TCEA2: variants seen among roughly 807,000 people sequenced by gnomAD.
The protein encoded by TCEA2 is transcription elongation factor A2.
A neutral mutation model predicts 40.8 loss-of-function variants in TCEA2; 21 were observed. That is an observed-to-expected ratio of 0.51 (90% CI 0.36 to 0.74). TCEA2 has a LOEUF of 0.74. Ranked by LOEUF, TCEA2 falls within the 30% of genes least tolerant of loss-of-function variation. The pLI, the probability that TCEA2 is intolerant of heterozygous loss-of-function variation, is 0.00. For missense variants in TCEA2, 326 were observed against 426.5 expected (o/e 0.76, Z 2.08); for synonymous variants, 165 against 162.7 (o/e 1.01, Z -0.11).
At chr20:64,070,917 C>T (rs574324814) in intron 8 of TCEA2, among the ~76,000 whole-genome samples, 90 of 152,304 alleles carry the variant, frequency 5.9e-4, no homozygotes, top group Admixed American at 2.0e-3. Context: ...GGAGGGCCCT[C>T]GAGGTGTTGA....
chr20:64,065,274 G>T (rs988058892), intron 1 of TCEA2, among the ~76,000 whole-genome samples: 14 of 150,084 alleles, frequency 9.3e-5, no homozygotes, highest in African/African-American at 3.4e-4. Flanking sequence ...GCCTGCCTGG[G>T]AGGGCTCAGG....
At chr20:64,058,818 C>A (rs141827974), upstream of TCEA2, among the ~76,000 whole-genome samples, 3 of 152,154 alleles carry the variant, frequency 2.0e-5, no homozygotes, top group African/African-American at 7.2e-5. The surrounding 1 kb of genome is among the most constrained non-coding windows in gnomAD (Gnocchi z 6.7). Flanking sequence ...GGGTCAGCCA[C>A]GGGCCCAGCT....
At chr20:64,071,477 C>G (rs559822644) in intron 8 of TCEA2, among the ~76,000 whole-genome samples, 1 of 152,340 alleles carries the variant, frequency 6.6e-6, no homozygotes, top group East Asian at 1.9e-4. Context: ...GGTGCAGAGC[C>G]TGCCTCTCTC....
Position 64,072,210 on chromosome 20 carries a change from G to A in TCEA2, c.*30G>A. 1.2e-6 allele frequency: 2 copies of A among 1,604,420 alleles called. No homozygotes were observed. The highest frequency in any genetic ancestry group is 1.1e-5 in the South Asian group (1 of 90,662). On this transcript the variant is annotated 3_prime_UTR_variant, in exon 10 of 10. Transcript: ENST00000343484. The stretch of plus-strand genomic sequence containing the variant: ...TCGTGTAGATGTGCTGCAGCCTTGG[G>A]CCCTCCCCGGCCCACGTCCTCCGTT...
intron 1 of TCEA2, 65 bp from the exon 2 acceptor site, chr20:64,066,411 A>T: frequency 6.4e-7 from 1 of 1,559,208 alleles, no homozygotes; most frequent in Non-Finnish European, 8.8e-7. Context: ...TCCAGTAGGC[A>T]GAAGGAGGTG....
At chr20:64,064,194 G>A (rs1183822482) in intron 1 of TCEA2, 1 of 152,304 alleles carries the variant, frequency 6.6e-6, no homozygotes, top group African/African-American at 2.4e-5. Flanking sequence ...GAGCCGGTGT[G>A]CTTATATAAG....
upstream of TCEA2, among the ~76,000 whole-genome samples, chr20:64,060,798 C>T (rs1344222327): frequency 1.4e-5 from 2 of 145,640 alleles, no homozygotes; most frequent in Admixed American, 6.9e-5. Flanking sequence ...TATGATTGAG[C>T]TTTTTTTTTT....
chr20:64,064,806 G>A (rs1340060982), intron 1 of TCEA2, among the ~76,000 whole-genome samples: 1 of 152,192 alleles, frequency 6.6e-6, no homozygotes, highest in African/African-American at 2.4e-5. Flanking sequence ...CGGAAAACTG[G>A]TCAGCACAAA....
intron 3 of TCEA2, among the ~76,000 whole-genome samples, chr20:64,067,347 A>G (rs1315227225): frequency 6.6e-6 from 1 of 152,198 alleles, no homozygotes; most frequent in Non-Finnish European, 1.5e-5. Context: ...TTGGGAGGTC[A>G]CACAGAGGGG....
chr20:64,070,191 C>T, intron 6 of TCEA2, 69 bp from the exon 7 acceptor site: 1 of 1,588,620 alleles, frequency 6.3e-7, no homozygotes, highest in Non-Finnish European at 8.6e-7. Context: ...CAACATGGCC[C>T]CCAGCGGGGC....
In TCEA2 at chr20:64,071,921, G is replaced by C; in HGVS notation, c.871G>C (p.Glu291Gln). Residue 291 changes from glutamate (E) to glutamine (Q), a missense_variant, in exon 9 of 10, where the codon GAG becomes CAG. Glu to Gln is a conservative substitution (Grantham distance 29, BLOSUM62 2). Coordinates refer to ENST00000343484, the MANE Select transcript of TCEA2 (RefSeq NM_003195.6). ...CATGACCACCTTTGTTGTCTGCAAC[G>C]AGTGTGGAAACCGCTGGAAGGTGGG... ...EPMTTFVVCN[E>Q]CGNRWKFC 4.3e-6 allele frequency: 7 copies of C among 1,614,168 alleles called. No individual in the cohort carries two copies. Among genetic ancestry groups the C allele is most frequent in the Non-Finnish European group, 5.9e-6 (7 of 1,180,024 alleles).
chr20:64,070,558 A>G lies in TCEA2; in HGVS notation c.742A>G (p.Met248Val). ...MTKEAIREHQ[M>V]ARTGGTQTDL... ...CAAGGAGGCCATCCGAGAGCACCAG[A>G]TGGCCCGCACTGGCGGCACGCAGAC... The change falls in exon 8 of 10, where the codon ATG becomes GTG. Residue 248 changes from methionine to valine, a missense_variant. Coordinates refer to ENST00000343484, the MANE Select transcript of TCEA2 (RefSeq NM_003195.6). The G allele has an allele frequency of 6.2e-7, 1 of 1,613,888 alleles. No homozygotes were observed. Among genetic ancestry groups the G allele is most frequent in the Non-Finnish European group, 8.5e-7 (1 of 1,180,010 alleles).
chr20:64,059,150 GC>G (rs1425958452), upstream of TCEA2, among the ~76,000 whole-genome samples: 8 of 144,528 alleles, frequency 5.5e-5, no homozygotes, highest in African/African-American at 2.1e-4. Flanking sequence ...CCAAGATCGT[GC>G]CACTGCACTC....
upstream of TCEA2, among the ~76,000 whole-genome samples, chr20:64,062,026 G>A (rs758922311): frequency 3.9e-5 from 6 of 152,224 alleles, no homozygotes; most frequent in African/African-American, 1.2e-4. Flanking sequence ...ACTATTGCCC[G>A]GCTAAGATGA....
At chr20:64,071,976 C>G in intron 9 of TCEA2, 35 bp downstream of exon 9, 1 of 1,613,098 alleles carries the variant, frequency 6.2e-7, no homozygotes, top group Non-Finnish European at 8.5e-7. Context: ...CCTCCCAGCT[C>G]CATTCTCTGG....
chr20:64,070,039 C>T (rs747695932), intron 6 of TCEA2: 1 of 885,106 alleles, frequency 1.1e-6, no homozygotes, highest in South Asian at 1.4e-5. Flanking sequence ...CCTAGGTCCC[C>T]TGGGGCTGTA....
At chr20:64,056,095 G>A (rs763645842), upstream of TCEA2, among the ~76,000 whole-genome samples, 7 of 152,252 alleles carry the variant, frequency 4.6e-5, no homozygotes, top group Non-Finnish European at 7.4e-5. Flanking sequence ...CGCCAGGGCC[G>A]CCACTGGCCT....
intron 1 of TCEA2, chr20:64,063,734 T>A (rs2059622519): frequency 3.6e-6 from 1 of 275,932 alleles, no homozygotes; most frequent in Non-Finnish European, 6.9e-6. Flanking sequence ...CGTCGACTCC[T>A]TCCTTGGCCC....
chr20:64,068,073 C>A lies in TCEA2; in HGVS notation c.268C>A (p.Arg90=), dbSNP rs767883408. ...LDASDAKARE[R]GRGMPLPTSS... Reference sequence around the variant, plus strand: ...TGCTTCCGATGCCAAAGCCAGGGAGCGGGGGAGGGGCATGCCTCTGCCCAC... The same window carrying A: ...TGCTTCCGATGCCAAAGCCAGGGAGAGGGGGAGGGGCATGCCTCTGCCCAC... The change falls in exon 4 of 10, where the codon CGG becomes AGG. Residue 90 remains arginine (R), a synonymous_variant. Transcript: ENST00000343484. The A allele has an allele frequency of 3.7e-6, 6 of 1,606,246 alleles. No homozygotes were observed. In the East Asian group the frequency reaches 9.0e-5, roughly 24 times the overall value.
Sources: gnomAD v4.1 joint callset for allele counts (sites outside exome capture counted in the v4.1 genomes callset) on GRCh38, gnomAD v4.1.1 for gene constraint, Gnocchi (gnomAD v3.1) non-coding constraint, MANE v1.5 for transcripts, NCBI Gene and HGNC (gene_info 2026-07-23, HGNC 2026-07-21) for gene names.